Variants in TMEM26 observed in about 807,000 individuals in gnomAD.
The protein encoded by TMEM26 is transmembrane protein 26.
Under a neutral mutation model 28.8 loss-of-function variants are expected in TMEM26, and 38 were observed. That is an observed-to-expected ratio of 1.32 (90% CI 1.02 to 1.73). The LOEUF is 1.73. TMEM26 is among the 40% of genes most tolerant of loss of function. The pLI is 0.00. For synonymous variants in TMEM26, 227 were observed against 182.9 expected, an observed-to-expected ratio of 1.24 and a Z score of -1.95; for missense variants, 518 against 447.1, an observed-to-expected ratio of 1.16 and a Z score of -1.43.
At chr10:61,430,661 A>G (rs1427683962) in intron 3 of TMEM26, among the ~76,000 whole-genome samples, 5 of 151,912 alleles carry the variant, frequency 3.3e-5, no homozygotes, top group Admixed American at 2.6e-4. Flanking sequence ...TCTCTTTCCT[A>G]TATACTAGCA....
chr10:61,444,145 G>A (rs1401781462), intron 1 of TMEM26, among the ~76,000 whole-genome samples: 1 of 152,086 alleles, frequency 6.6e-6, no homozygotes, highest in Non-Finnish European at 1.5e-5. Context: ...TGATTCTGCA[G>A]GCTTTCCACA....
intron 1 of TMEM26, among the ~76,000 whole-genome samples, chr10:61,446,817 CAAAAAAAAAAAAAAAAAAAAA>C (rs34030340): frequency 8.8e-5 from 3 of 33,942 alleles, no homozygotes; most frequent in Non-Finnish European, 1.5e-4. Flanking sequence ...GACTCCATCT[CAAAAAAAAAAAAAAAAAAAAA>C]AAAAAAAAAA....
At position 61,408,985 on chromosome 10, in the gene TMEM26, C is replaced by T. The variant is rs141690612; in HGVS notation, c.*1337G>A. 1.3e-5 allele frequency: 2 copies of T among 152,288 alleles called. No individual in the cohort carries two copies. Among genetic ancestry groups the T allele is most frequent in the African/African-American group, 4.8e-5 (2 of 41,560 alleles). The allele number at this position is 152,288 out of a possible 1,614,324, so 9.4% of individuals were successfully genotyped here. A position where few individuals can be genotyped will look rare whatever the true frequency, so the allele number is the denominator to read the frequency against. ...AGTCATACCAAATTAAGGGCATACC[C>T]CACCTTAAATGTCCCTTTGAATTCT... is the stretch of plus-strand genomic sequence containing the variant. On this transcript the variant is annotated 3_prime_UTR_variant, in exon 6 of 6. Coordinates refer to ENST00000399298, the MANE Select transcript of TMEM26 (RefSeq NM_178505.8).
At chr10:61,426,994 C>T (rs1315605320) in intron 4 of TMEM26, among the ~76,000 whole-genome samples, 2 of 151,834 alleles carry the variant, frequency 1.3e-5, no homozygotes, top group African/African-American at 2.4e-5. Flanking sequence ...CAGTGGATAT[C>T]TGAGTAATAG....
chr10:61,413,429 A>T, intron 5 of TMEM26, 30 bp downstream of exon 5: 1 of 1,601,420 alleles, frequency 6.2e-7, no homozygotes, highest in Non-Finnish European at 8.5e-7. Flanking sequence ...GTAATTTTCT[A>T]TTTCTTTGCA....
In TMEM26 at chr10:61,410,384, C is replaced by G. The variant is rs770331964; in HGVS notation, c.1045G>C (p.Gly349Arg). The G allele has an allele frequency of 4.3e-6, 7 of 1,613,790 alleles. No individual in the cohort carries two copies. Among genetic ancestry groups the G allele is most frequent in the African/African-American group, 1.3e-5 (1 of 74,832 alleles). Residue 349 changes from glycine to arginine, a missense_variant, in exon 6 of 6, where the codon GGC becomes CGC. Transcript: ENST00000399298. ...GAGCCCCGCAAAGGAATAGCCAGGC[C>G]CTCCTTAGACTCGTTCTGCCAGTCC... ...QRDWQNESKE[G>R]LAIPLRGSPV... is the part of the protein sequence containing the mutation.
intron 4 of TMEM26, among the ~76,000 whole-genome samples, chr10:61,427,505 C>T (rs575208629): frequency 4.1e-4 from 62 of 152,092 alleles, no homozygotes; most frequent in Non-Finnish European, 7.7e-4. Context: ...TTTTGCTGGG[C>T]AATTCTACTT....
rs1206517376 is a variant in TMEM26, at chr10:61,407,050, CCT to C, written c.*3270_*3271del. Reference sequence around the variant, plus strand: ...CGTCTCTGTAGTATACGTCACCATCCCTCTTTCTTAGCATTGGAGGAGGGCTA... The same window carrying C: ...CGTCTCTGTAGTATACGTCACCATCCCTTTCTTAGCATTGGAGGAGGGCTA... On this transcript the variant is annotated 3_prime_UTR_variant, in exon 6 of 6. Transcript: ENST00000399298. The C allele has an allele frequency of 6.6e-6, 1 of 152,172 alleles. No homozygotes were observed. The highest frequency in any genetic ancestry group is 1.9e-4 in the East Asian group (1 of 5,184). 9.4% of individuals were successfully genotyped at this position (152,172 alleles called of 1,614,324 possible). A position where few individuals can be genotyped will look rare whatever the true frequency, so the allele number is the denominator to read the frequency against.
chr10:61,418,801 T>C (rs894830658), intron 4 of TMEM26, among the ~76,000 whole-genome samples: 2 of 152,102 alleles, frequency 1.3e-5, no homozygotes, highest in Middle Eastern at 3.2e-3. Context: ...ATAGAAGGGC[T>C]AGATGAGTAC....
At position 61,453,102 on chromosome 10, in the gene TMEM26, T is replaced by A. The variant is rs1263729182; in HGVS notation, c.-21A>T. The A allele has an allele frequency of 1.2e-6, 2 of 1,604,768 alleles. No individual in the cohort carries two copies. Among genetic ancestry groups the A allele is most frequent in the Non-Finnish European group, 1.7e-6 (2 of 1,174,970 alleles). On this transcript the variant is annotated 5_prime_UTR_variant, in exon 1 of 6. Transcript: ENST00000399298. ...TCCATGCTGGCCGGAGCACTCTGCC[T>A]ACGTCCCCTTGCCTGCGCCCCCAGG...
intron 1 of TMEM26, among the ~76,000 whole-genome samples, chr10:61,452,382 T>C (rs1589049810): frequency 1.3e-5 from 2 of 152,328 alleles, no homozygotes; most frequent in East Asian, 3.9e-4. Flanking sequence ...GGGAAGCGGA[T>C]GAAACCACAG....
At chr10:61,437,679 G>T (rs1840030550) in intron 1 of TMEM26, among the ~76,000 whole-genome samples, 1 of 152,078 alleles carries the variant, frequency 6.6e-6, no homozygotes, top group Non-Finnish European at 1.5e-5. Flanking sequence ...CACCTATTCA[G>T]GTGGCTGAGG....
At chr10:61,445,159 A>G (rs986493987) in intron 1 of TMEM26, among the ~76,000 whole-genome samples, 8 of 152,202 alleles carry the variant, frequency 5.3e-5, no homozygotes, top group African/African-American at 2.4e-5. Context: ...GTACTCAATA[A>G]TTGATAAGTG....
intron 1 of TMEM26, among the ~76,000 whole-genome samples, chr10:61,452,322 T>C (rs934832959): frequency 3.3e-5 from 5 of 152,182 alleles, no homozygotes; most frequent in Admixed American, 6.5e-5. Flanking sequence ...CCCAGACACC[T>C]GAAGCTGGCG....
chr10:61,426,971 AG>A (rs1485497255), intron 4 of TMEM26, among the ~76,000 whole-genome samples: 1 of 151,966 alleles, frequency 6.6e-6, no homozygotes, highest in Non-Finnish European at 1.5e-5. Flanking sequence ...TGACTTTGGG[AG>A]GGTTTTTGGG....
rs1840318045 is a variant in TMEM26, at chr10:61,453,002, A to T, written c.80T>A (p.Val27Glu). The T allele has an allele frequency of 6.2e-7, 1 of 1,613,688 alleles. No individual in the cohort carries two copies. The highest frequency in any genetic ancestry group is 1.1e-5 in the South Asian group (1 of 91,076). Residue 27 changes from valine to glutamate, a missense_variant, in exon 1 of 6, where the codon GTG (valine) becomes GAG (glutamate). Physicochemically the swap from Val to Glu is moderately radical, Grantham distance 121. Coordinates refer to ENST00000399298, the MANE Select transcript of TMEM26 (RefSeq NM_178505.8). ...CCGCGGCTCCTTCTTCACCTCGGTC[A>T]CTCGCCAGACCCCGACCAGCGAGTG... ...LLHSLVGVWRVTEVKKEPRYW... is the reference protein window; with the variant it reads ...LLHSLVGVWRETEVKKEPRYW...
intron 4 of TMEM26, among the ~76,000 whole-genome samples, chr10:61,424,281 T>C (rs531223614): frequency 1.3e-5 from 2 of 151,946 alleles, no homozygotes; most frequent in East Asian, 3.9e-4. Flanking sequence ...AATGTGAAAA[T>C]AAAATTAAAA....
chr10:61,433,094 T>C (rs1839948641), intron 2 of TMEM26, among the ~76,000 whole-genome samples: 1 of 152,164 alleles, frequency 6.6e-6, no homozygotes, highest in African/African-American at 2.4e-5. Flanking sequence ...TTGACATTCT[T>C]ACCACTAAAA....
Position 61,436,265 on chromosome 10 carries a change from G to GA in TMEM26, c.192-18dup. On this transcript the variant is annotated splice_polypyrimidine_tract_variant and intron_variant, in intron 1 of 5. Coordinates refer to ENST00000399298, the MANE Select transcript of TMEM26 (RefSeq NM_178505.8). ...GGTGAAAACCTGTGAAAAGAGAGAA[G>GA]AAAAAATAGTTTAGCTAATTTAAGC... 1.4e-6 allele frequency: 2 copies of GA among 1,396,230 alleles called. No homozygotes were observed. The highest frequency in any genetic ancestry group is 1.9e-6 in the Non-Finnish European group (2 of 1,051,928). 86.5% of individuals were successfully genotyped at this position (1,396,230 alleles called of 1,614,324 possible).
Sources: allele counts gnomAD v4.1 joint callset (sites outside exome capture counted in the v4.1 genomes callset), GRCh38; gene constraint gnomAD v4.1.1; transcripts MANE v1.5; gene names NCBI Gene and HGNC (gene_info 2026-07-23, HGNC 2026-07-21).